The following SYN3 variants were observed in gnomAD, a reference collection of about 807,000 sequenced individuals.
SYN3 encodes synapsin III.
In SYN3, 35 loss-of-function variants were observed where a neutral mutation model predicts 65.8. That is an observed-to-expected ratio of 0.53 (90% confidence interval 0.41 to 0.70). The LOEUF (loss-of-function observed/expected upper bound fraction) is 0.70, where lower values mean the gene tolerates loss of function less well. Ranked by LOEUF, SYN3 falls within the 30% of genes least tolerant of loss-of-function variation. The probability of loss-of-function intolerance (pLI) is 0.00; values close to 1 mark genes in which losing one functional copy is unlikely to be tolerated. For synonymous variants in SYN3, 270 were observed against 292.9 expected, an observed-to-expected ratio of 0.92 and a Z score of 0.80; for missense variants, 680 against 749.0, an observed-to-expected ratio of 0.91 and a Z score of 1.08.
chr22:32,551,376 C>T (rs545135428), intron 7 of SYN3, among the ~76,000 whole-genome samples: 6 of 152,156 alleles, frequency 3.9e-5, no homozygotes, highest in African/African-American at 1.4e-4. Context: ...GAATCCAGAA[C>T]CTGATTCAGA....
In SYN3 at chr22:32,801,814, C is replaced by G; in HGVS notation, c.711+63101G>C. On this transcript the variant is annotated intron_variant, in intron 6 of 13. Coordinates refer to ENST00000358763, the MANE Select transcript of SYN3 (RefSeq NM_003490.4). The surrounding 1 kb of genome is among the most constrained non-coding windows in gnomAD (Gnocchi z 4.7). ...GGCCGCCCGCCGAGTCCTGCGCCAG[C>G]GCCGAGGCAGCCTCGCTGCGCCCCA... The G allele has an allele frequency of 3.4e-6, 2 of 583,074 alleles. No individual in the cohort carries two copies. Among genetic ancestry groups the G allele is most frequent in the Non-Finnish European group, 2.4e-6 (1 of 424,052 alleles). The allele number at this position is 583,074 out of a possible 1,614,324, so 36.1% of individuals were successfully genotyped here.
chr22:32,777,069 G>C (rs135151), intron 6 of SYN3, among the ~76,000 whole-genome samples: 142,474 of 152,188 alleles, frequency 0.94, 66,798 homozygotes, highest in African/African-American at 0.97. Context: ...ACCTCCTCCC[G>C]ACCTGCCCTT....
intron 1 of SYN3, among the ~76,000 whole-genome samples, chr22:33,036,681 T>TC (rs1198486787): frequency 1.1e-4 from 2 of 18,304 alleles, no homozygotes; most frequent in East Asian, 3.5e-3. Flanking sequence ...CCAAGTTCTT[T>TC]TTTTTTTTTT....
intron 4 of SYN3, among the ~76,000 whole-genome samples, chr22:32,877,511 G>T (rs192000110): frequency 6.6e-6 from 1 of 152,226 alleles, no homozygotes; most frequent in East Asian, 1.9e-4. Flanking sequence ...TGCCTTGTAG[G>T]ATATTAGGAG....
At chr22:32,616,143 G>A (rs901004395) in intron 6 of SYN3, among the ~76,000 whole-genome samples, 12 of 152,196 alleles carry the variant, frequency 7.9e-5, no homozygotes, top group Admixed American at 1.3e-4. Flanking sequence ...TTTCCGTGTA[G>A]AAGCCCCCAG....
intron 6 of SYN3, among the ~76,000 whole-genome samples, chr22:32,810,139 GC>G (rs2046877352): frequency 6.6e-6 from 1 of 152,196 alleles, no homozygotes; most frequent in Non-Finnish European, 1.5e-5. Flanking sequence ...TTGACAGGAG[GC>G]CCACAGGTGT....
chr22:32,522,769 C>T (rs2057908315), intron 12 of SYN3, among the ~76,000 whole-genome samples: 1 of 152,124 alleles, frequency 6.6e-6, no homozygotes, highest in Non-Finnish European at 1.5e-5. Flanking sequence ...CATGGACAAG[C>T]ACCCCATCCT....
At position 32,540,150 on chromosome 22, in the gene SYN3, C is replaced by T. The variant is rs562781813; in HGVS notation, c.917+1421G>A. On this transcript the variant is annotated intron_variant, in intron 8 of 13. Coordinates refer to ENST00000358763, the MANE Select transcript of SYN3 (RefSeq NM_003490.4). ...TAGTTGCAACAGAGACGATATAGCC[C>T]GTCAAGCCTAAAATTACCACCTGGC... Among the ~76,000 whole-genome samples the T allele has an allele frequency of 5.9e-5, 9 of 152,320 alleles. No homozygotes were observed. The East Asian group carries it at 9.6e-4, about 16-fold the overall frequency.
intron 6 of SYN3, among the ~76,000 whole-genome samples, chr22:32,743,034 A>C (rs1395070717): frequency 6.6e-6 from 1 of 152,258 alleles, no homozygotes; most frequent in African/African-American, 2.4e-5. Flanking sequence ...CCATTCAATA[A>C]TAGTGAATAA....
rs556950160 is a variant in SYN3 at position 32,831,590 on chromosome 22, G to A, written c.711+33325C>T. 7.2e-5 allele frequency among the ~76,000 whole-genome samples: 11 copies of A among 152,276 alleles called. 1 individual carries two copies. The South Asian group carries it at 2.1e-3, about 29-fold the overall frequency. On this transcript the variant is annotated intron_variant, in intron 6 of 13. Coordinates refer to ENST00000358763, the MANE Select transcript of SYN3 (RefSeq NM_003490.4). ...ATTACCAAGGACTAGCATATAATTG[G>A]AAGATTGAAGGCAGAAGCCCTTATC... is the stretch of plus-strand genomic sequence containing the variant.
At chr22:32,887,634 T>C (rs1018998788) in intron 4 of SYN3, among the ~76,000 whole-genome samples, 1 of 152,122 alleles carries the variant, frequency 6.6e-6, no homozygotes, top group African/African-American at 2.4e-5. Context: ...TAAATATGTG[T>C]TGTTTGAAGC....
chr22:32,659,152 C>T (rs375984626), intron 6 of SYN3, among the ~76,000 whole-genome samples: 32 of 152,150 alleles, frequency 2.1e-4, no homozygotes, highest in African/African-American at 7.2e-4. Flanking sequence ...AAGGGCTAAG[C>T]AGGAAGGGAT....
At chr22:32,847,469 A>G (rs920633117) in intron 6 of SYN3, among the ~76,000 whole-genome samples, 11 of 152,214 alleles carry the variant, frequency 7.2e-5, no homozygotes, top group African/African-American at 2.7e-4. Context: ...CATCGCCGGC[A>G]GGGAAGGTCT....
At chr22:32,582,886 GT>G (rs1453998173) in intron 7 of SYN3, among the ~76,000 whole-genome samples, 9 of 152,194 alleles carry the variant, frequency 5.9e-5, no homozygotes, top group African/African-American at 1.9e-4. Context: ...CTCTTCAGCT[GT>G]TAGCAGCCTC....
At chr22:32,947,374 C>G (rs2051145560) in intron 3 of SYN3, 1 of 152,062 alleles carries the variant, frequency 6.6e-6, no homozygotes, top group Admixed American at 6.6e-5. Context: ...TGTTTTATAC[C>G]CAGCTCCTGG....
intron 1 of SYN3, among the ~76,000 whole-genome samples, chr22:33,027,222 T>C (rs1003500712): frequency 6.6e-6 from 1 of 152,168 alleles, no homozygotes; most frequent in East Asian, 1.9e-4. Context: ...TCTACATATA[T>C]ATATATGACG....
chr22:32,514,296 T>G (rs1426579545), intron 13 of SYN3: 1 of 155,406 alleles, frequency 6.4e-6, no homozygotes. Context: ...CTCTGCTCTT[T>G]GATGTGTGTA....
intron 6 of SYN3, among the ~76,000 whole-genome samples, chr22:32,797,905 A>G (rs1222642791): frequency 2.0e-5 from 3 of 152,234 alleles, no homozygotes; most frequent in Admixed American, 6.5e-5. Context: ...CTTTCATCCA[A>G]TAAACACAGA....
intron 4 of SYN3, among the ~76,000 whole-genome samples, chr22:32,894,595 C>T (rs1388329903): frequency 6.6e-6 from 1 of 152,212 alleles, no homozygotes; most frequent in East Asian, 1.9e-4. Flanking sequence ...CCTGACCTGA[C>T]ATTGACATGA....
Sources: gnomAD v4.1 joint callset for allele counts (sites outside exome capture counted in the v4.1 genomes callset) on GRCh38, gnomAD v4.1.1 for gene constraint, Gnocchi (gnomAD v3.1) non-coding constraint, MANE v1.5 for transcripts, NCBI Gene and HGNC (gene_info 2026-07-23, HGNC 2026-07-21) for gene names.